CAPN3: variants seen among roughly 807,000 people sequenced by gnomAD.
CAPN3 encodes calpain-3.
CAPN3 carries 88 observed loss-of-function variants against 114.0 expected under a neutral mutation model. The observed-to-expected ratio is 0.77, with a 90% CI of 0.65 to 0.92. The LOEUF is 0.92. CAPN3 is among the 40% of genes least tolerant of loss of function. The probability of loss-of-function intolerance (pLI) is 0.00; values close to 1 mark genes in which losing one functional copy is unlikely to be tolerated. For synonymous variants in CAPN3, 386 were observed against 382.9 expected, an observed-to-expected ratio of 1.01 and a Z score of -0.09; for missense variants, 1,028 against 1,069.0, an observed-to-expected ratio of 0.96 and a Z score of 0.53.
chr15:42,411,698 G>C lies in CAPN3; in HGVS notation c.2440-49G>C, dbSNP rs527438869. ...GTAAGATTCCTAGGGCGGGGGGGGG[G>C]GGGGTCACTCTTTTCTGATCTACAT... On this transcript the variant is annotated intron_variant, in intron 23 of 23. Coordinates refer to ENST00000397163, the MANE Select transcript of CAPN3 (RefSeq NM_000070.3). 285 of 820,922 alleles carry C rather than the reference G, an allele frequency of 3.5e-4. 8 individuals are homozygous for C. Among genetic ancestry groups the C allele is most frequent in the Middle Eastern group, 2.5e-3 (8 of 3,188 alleles). The allele number at this position is 820,922 out of a possible 1,614,324, so 50.9% of individuals were successfully genotyped here.
At chr15:42,396,491 C>T (rs902687117) in intron 8 of CAPN3, among the ~76,000 whole-genome samples, 6 of 152,084 alleles carry the variant, frequency 3.9e-5, no homozygotes, top group East Asian at 1.9e-4. Context: ...CCGCCCACCT[C>T]GGCCTCCCAA....
chr15:42,411,604 A>G, intron 23 of CAPN3, 143 bp from the exon 24 acceptor site: 1 of 735,768 alleles, frequency 1.4e-6, no homozygotes. Context: ...AGGAAACAGT[A>G]AGCCACTGCT....
intron 1 of CAPN3, among the ~76,000 whole-genome samples, chr15:42,380,751 A>ATTTT (rs59923448): frequency 1.4e-4 from 9 of 64,456 alleles, no homozygotes; most frequent in African/African-American, 2.7e-4. Flanking sequence ...ATATATATAT[A>ATTTT]TTTTTTTTTT....
chr15:42,409,178 T>C, intron 16 of CAPN3, 125 bp from the exon 17 acceptor site: 1 of 799,680 alleles, frequency 1.3e-6, no homozygotes, highest in Non-Finnish European at 2.2e-6. Flanking sequence ...CATTTGCCCG[T>C]CCCCAGCTCC....
At chr15:42,411,701 G>GGGT (rs1566986751) in intron 23 of CAPN3, 46 bp from the exon 24 acceptor site, 46 of 788,450 alleles carry the variant, frequency 5.8e-5, no homozygotes, top group Non-Finnish European at 8.5e-5. Context: ...GGGGGGGGGG[G>GGGT]GTCACTCTTT....
At chr15:42,384,450 T>C (rs368885496) in intron 1 of CAPN3, 33 bp from the exon 2 acceptor site, 3 of 1,512,186 alleles carry the variant, frequency 2.0e-6, no homozygotes, top group South Asian at 2.2e-5. Context: ...TCTACTGTTA[T>C]TCTTACCTGG....
rs530529988 is a variant in CAPN3, at chr15:42,402,841, C to T, written c.1584C>T (p.Asn528=). The T allele has an allele frequency of 1.5e-5, 24 of 1,614,076 alleles. No homozygotes were observed. The South Asian group carries it at 1.6e-4, about 11-fold the overall frequency. ...TGCAGAAGGACTTCTTCCTGTACAACGCCTCCAAGGCCAGGAGCAAAACCT... is the reference window on the plus strand; with the variant it reads ...TGCAGAAGGACTTCTTCCTGTACAATGCCTCCAAGGCCAGGAGCAAAACCT... The part of the protein sequence containing the change: ...QHLQKDFFLY[N]ASKARSKTYI... The change falls in exon 13 of 24, where the codon AAC becomes AAT. Residue 528 remains asparagine (N), a synonymous_variant. Transcript: ENST00000397163.
At chr15:42,394,999 T>C (rs1462194862) in intron 8 of CAPN3, among the ~76,000 whole-genome samples, 1 of 152,158 alleles carries the variant, frequency 6.6e-6, no homozygotes, top group Non-Finnish European at 1.5e-5. Context: ...GCGCCTCTTA[T>C]TTCGAGAGGG....
At chr15:42,403,140 A>G in intron 13 of CAPN3, 138 bp downstream of exon 13, 2 of 716,968 alleles carry the variant, frequency 2.8e-6, no homozygotes, top group South Asian at 3.0e-5. Context: ...CATTACCCCC[A>G]TTCATTCATT....
chr15:42,377,712 C>T (rs2053127569), intron 1 of CAPN3, among the ~76,000 whole-genome samples: 1 of 152,106 alleles, frequency 6.6e-6, no homozygotes, highest in African/African-American at 2.4e-5. Flanking sequence ...CCCTCTGCTT[C>T]TATTTTATGG....
chr15:42,388,291 A>G (rs1044291335), intron 4 of CAPN3, among the ~76,000 whole-genome samples: 1 of 152,080 alleles, frequency 6.6e-6, no homozygotes, highest in Non-Finnish European at 1.5e-5. Context: ...GCTCCACCCC[A>G]GATGCTAATA....
At chr15:42,402,751 C>A in intron 12 of CAPN3, 43 bp from the exon 13 acceptor site, 1 of 1,602,794 alleles carries the variant, frequency 6.2e-7, no homozygotes, top group South Asian at 1.1e-5. Context: ...CAGGATGTTC[C>A]TCCCGAGGGG....
chr15:42,387,809 C>G lies in CAPN3; in HGVS notation c.555C>G (p.Tyr185Ter), dbSNP rs763449646. The part of the protein sequence containing the change: ...DVVIDDCLPT[Y>*]NNQLVFTKSN... ...TTATAGATGACTGCCTGCCAACGTACAACAATCAACTGGTTTTCACCAAGT... is the reference window on the plus strand; with the variant it reads ...TTATAGATGACTGCCTGCCAACGTAGAACAATCAACTGGTTTTCACCAAGT... Residue 185 changes from tyrosine (Y) to a stop codon, truncating the protein, a stop_gained, in exon 4 of 24, where the codon TAC becomes TAG. Coordinates refer to ENST00000397163, the MANE Select transcript of CAPN3 (RefSeq NM_000070.3). LOFTEE classifies it high-confidence loss of function. 2 of 1,614,046 alleles carry G rather than the reference C, an allele frequency of 1.2e-6. No individual in the cohort carries two copies. The highest frequency in any genetic ancestry group is 2.7e-5 in the African/African-American group (2 of 74,928).
At chr15:42,363,446 G>A (rs1437489850) in intron 1 of CAPN3, among the ~76,000 whole-genome samples, 2 of 152,132 alleles carry the variant, frequency 1.3e-5, no homozygotes, top group East Asian at 3.9e-4. Context: ...TTCATTCCAT[G>A]GGGTGGAAGG....
intron 1 of CAPN3, among the ~76,000 whole-genome samples, chr15:42,369,508 G>GA (rs1238879865): frequency 1.4e-5 from 2 of 147,344 alleles, no homozygotes; most frequent in East Asian, 2.0e-4. Context: ...TCAAAAAGAA[G>GA]AAAAAAAAAA....
chr15:42,388,448 T>G (rs1443303213), intron 4 of CAPN3, among the ~76,000 whole-genome samples: 2 of 152,108 alleles, frequency 1.3e-5, no homozygotes, highest in Non-Finnish European at 2.9e-5. Flanking sequence ...TGGGACTACA[T>G]GCGGGCATCA....
intron 10 of CAPN3, among the ~76,000 whole-genome samples, chr15:42,400,699 A>G (rs2053838407): frequency 6.6e-6 from 1 of 151,938 alleles, no homozygotes; most frequent in Non-Finnish European, 1.5e-5. Flanking sequence ...AAAAAAAGAC[A>G]CACAAGAGAA....
At chr15:42,370,812 T>A (rs1290835310) in intron 1 of CAPN3, among the ~76,000 whole-genome samples, 1 of 152,032 alleles carries the variant, frequency 6.6e-6, no homozygotes, top group African/African-American at 2.4e-5. Flanking sequence ...GTGTGCAAGG[T>A]AAGGTAGCAA....
rs1470998017 is a variant in CAPN3 at position 42,385,538 on chromosome 15, AG to A, written c.380-628del. On this transcript the variant is annotated intron_variant, in intron 2 of 23. Transcript: ENST00000397163. The stretch of plus-strand genomic sequence containing the variant: ...TATATATATATACACACACAGAGAG[AG>A]AGAGAGAGAGAGAGAGAGAGAAAGA... 70 of 378,566 alleles carry A rather than the reference AG, an allele frequency of 1.8e-4. 3 individuals are homozygous for A. The highest frequency in any genetic ancestry group is 4.9e-4 in the South Asian group (25 of 50,778). The allele number at this position is 378,566 out of a possible 1,614,324, so 23.5% of individuals were successfully genotyped here.
Sources: allele counts gnomAD v4.1 joint callset (sites outside exome capture counted in the v4.1 genomes callset), GRCh38; gene constraint gnomAD v4.1.1; transcripts MANE v1.5; gene names NCBI Gene and HGNC (gene_info 2026-07-23, HGNC 2026-07-21).